The following HIVEP1 variants were observed in gnomAD, a reference collection of about 807,000 sequenced individuals.
The protein encoded by HIVEP1 is HIVEP zinc finger 1.
In HIVEP1, 36 loss-of-function variants were observed where a neutral mutation model predicts 180.0. The observed-to-expected ratio is 0.20, with a 90% CI of 0.15 to 0.26. The LOEUF (loss-of-function observed/expected upper bound fraction) is 0.26. Ranked by LOEUF, HIVEP1 falls within the 10% of genes least tolerant of loss-of-function variation. The probability of loss-of-function intolerance (pLI) is 1.00; values close to 1 mark genes in which losing one functional copy is unlikely to be tolerated. For synonymous variants in HIVEP1, 1,239 were observed against 1,239.0 expected (o/e 1.00, Z 0.00); for missense variants, 3,143 against 3,268.7 (o/e 0.96, Z 0.94).
intron 2 of HIVEP1, among the ~76,000 whole-genome samples, chr6:12,037,370 A>C (rs1769349530): frequency 6.6e-6 from 1 of 152,154 alleles, no homozygotes; most frequent in African/African-American, 2.4e-5. Context: ...TGTCTGTGTC[A>C]GTTTCTTCGT....
At chr6:12,108,768 C>T (rs1242530325) in intron 3 of HIVEP1, among the ~76,000 whole-genome samples, 1 of 152,182 alleles carries the variant, frequency 6.6e-6, no homozygotes, top group Non-Finnish European at 1.5e-5. Context: ...GCTCGCGCCT[C>T]TCCCTCCACA....
chr6:12,121,331 G>A lies in HIVEP1; in HGVS notation c.1536G>A (p.Glu512=), dbSNP rs1205075744. 1.2e-5 allele frequency: 20 copies of A among 1,614,040 alleles called. No individual in the cohort carries two copies. The highest frequency in any genetic ancestry group is 1.5e-5 in the Non-Finnish European group (18 of 1,180,030). The change falls in exon 4 of 9, where the codon GAG becomes GAA. Residue 512 remains glutamate, a synonymous_variant. Transcript: ENST00000379388. This position sits in a 1 kb window ranked among gnomAD's most constrained non-coding sequence, Gnocchi z 5.3. ...GACAGCATGACCTGGGCGCCATGGA[G>A]CTGCAGCCTGTGCACATAATAAAGA... ...DERQHDLGAM[E]LQPVHIIKRM...
At chr6:12,040,097 T>C (rs1769573601) in intron 2 of HIVEP1, among the ~76,000 whole-genome samples, 1 of 152,196 alleles carries the variant, frequency 6.6e-6, no homozygotes, top group South Asian at 2.1e-4. Flanking sequence ...GCTTATTATC[T>C]GTGTATGTGT....
chr6:12,150,283 A>G (rs1356626321), intron 7 of HIVEP1, among the ~76,000 whole-genome samples: 2 of 152,186 alleles, frequency 1.3e-5, no homozygotes, highest in African/African-American at 4.8e-5. Flanking sequence ...AGCCGCCAGC[A>G]ATTTGCTTTT....
chr6:12,171,438 G>A, the HIVEP1 span, among the ~76,000 whole-genome samples: 6 of 151,956 alleles, frequency 3.9e-5, 1 homozygote, highest in Non-Finnish European at 5.9e-5. Flanking sequence ...CTCCATAATC[G>A]GACTCCAGGC....
At position 12,063,229 on chromosome 6, in the gene HIVEP1, C is replaced by G. The variant is rs888032787; in HGVS notation, c.41-25955C>G. Among the ~76,000 whole-genome samples, 3 of 152,134 alleles carry G rather than the reference C, an allele frequency of 2.0e-5. No individual in the cohort carries two copies. The highest frequency in any genetic ancestry group is 4.4e-5 in the Non-Finnish European group (3 of 68,034). On this transcript the variant is annotated intron_variant, in intron 2 of 8. Coordinates refer to ENST00000379388, the MANE Select transcript of HIVEP1 (RefSeq NM_002114.4). This position sits in a 1 kb window ranked among gnomAD's most constrained non-coding sequence, Gnocchi z 4.2. Reference sequence around the variant, plus strand: ...TTCTAGCAGAGTTTTTCAACCTCAGCTCCATTTATGATTTGGCCTAGATAA... The same window carrying G: ...TTCTAGCAGAGTTTTTCAACCTCAGGTCCATTTATGATTTGGCCTAGATAA...
intron 2 of HIVEP1, among the ~76,000 whole-genome samples, chr6:12,043,469 C>T (rs1233838895): frequency 6.7e-6 from 1 of 148,250 alleles, no homozygotes. Context: ...TCAAGTGATT[C>T]TCCTGCCTCA....
chr6:12,170,568 A>G, the HIVEP1 span, among the ~76,000 whole-genome samples: 1 of 152,168 alleles, frequency 6.6e-6, no homozygotes, highest in African/African-American at 2.4e-5. Context: ...GGATGGTGTG[A>G]TGCAACAGCA....
At chr6:12,114,310 T>G (rs940396554) in intron 3 of HIVEP1, among the ~76,000 whole-genome samples, 2 of 152,246 alleles carry the variant, frequency 1.3e-5, no homozygotes, top group African/African-American at 4.8e-5. Flanking sequence ...TTGTTAATTT[T>G]CATCTGTGTA....
rs773520691 is a variant in HIVEP1 at position 12,089,169 on chromosome 6, C to T, written c.41-15C>T. The T allele has an allele frequency of 7.1e-7, 1 of 1,415,968 alleles. No homozygotes were observed. Among genetic ancestry groups the T allele is most frequent in the South Asian group, 1.2e-5 (1 of 83,620 alleles). 87.7% of individuals were successfully genotyped at this position (1,415,968 alleles called of 1,614,324 possible). On this transcript the variant is annotated splice_polypyrimidine_tract_variant and intron_variant, in intron 2 of 8. Coordinates refer to ENST00000379388, the MANE Select transcript of HIVEP1 (RefSeq NM_002114.4). The stretch of plus-strand genomic sequence containing the variant: ...AAGGTAAATTAATTTATAAATTTTT[C>T]TCTGTTTTTCTTAGACAAAATTGAA...
At chr6:12,017,301 C>G (rs555629839) in intron 2 of HIVEP1, among the ~76,000 whole-genome samples, 1 of 152,168 alleles carries the variant, frequency 6.6e-6, no homozygotes, top group Non-Finnish European at 1.5e-5. Flanking sequence ...AGTGTTATAG[C>G]TCTTAAAGGT....
At chr6:12,024,144 A>G (rs1271953567) in intron 2 of HIVEP1, among the ~76,000 whole-genome samples, 3 of 152,202 alleles carry the variant, frequency 2.0e-5, no homozygotes, top group Admixed American at 6.5e-5. Context: ...CTTATAACCA[A>G]AGAGAGACCT....
intron 2 of HIVEP1, among the ~76,000 whole-genome samples, chr6:12,019,693 A>G (rs143250976): frequency 6.6e-6 from 1 of 152,322 alleles, no homozygotes; most frequent in East Asian, 1.9e-4. Flanking sequence ...GATACCTGAT[A>G]CTTTCTCAAA....
intron 2 of HIVEP1, among the ~76,000 whole-genome samples, chr6:12,074,280 C>T (rs1284899041): frequency 6.6e-6 from 1 of 152,122 alleles, no homozygotes; most frequent in African/African-American, 2.4e-5. Context: ...TGTCTACTCT[C>T]TTCCACTCTA....
In HIVEP1 at chr6:12,163,798, T is replaced by C. The variant is rs1199621050; in HGVS notation, c.7494T>C (p.Ile2498=). The part of the protein sequence containing the change: ...LPSLSMETVN[I]VGLANTNMAP... ...CGTTAAGCATGGAAACCGTCAATATTGTAGGCCTAGCCAATACAAATATGG... is the reference window on the plus strand; with the variant it reads ...CGTTAAGCATGGAAACCGTCAATATCGTAGGCCTAGCCAATACAAATATGG... Residue 2498 remains isoleucine, a synonymous_variant, in exon 9 of 9, where the codon ATT becomes ATC. Transcript: ENST00000379388. 6 of 1,614,040 alleles carry C rather than the reference T, an allele frequency of 3.7e-6. No individual in the cohort carries two copies. The highest frequency in any genetic ancestry group is 5.1e-6 in the Non-Finnish European group (6 of 1,180,034).
chr6:12,121,954 C>T lies in HIVEP1; in HGVS notation c.2159C>T (p.Ser720Phe), dbSNP rs751190531. Reference protein sequence around the residue: ...SAALVTTSTPSALPTGEKALL... With the variant: ...SAALVTTSTPFALPTGEKALL... ...GCTCTTGTCACCACGTCAACACCCT[C>T]TGCTTTGCCCACAGGGGAAAAGGCA... Residue 720 changes from serine (S) to phenylalanine (F), a missense_variant, in exon 4 of 9, where the codon TCT becomes TTT. Transcript: ENST00000379388. This position sits in a 1 kb window ranked among gnomAD's most constrained non-coding sequence, Gnocchi z 5.3. 7 of 1,614,188 alleles carry T rather than the reference C, an allele frequency of 4.3e-6. No individual in the cohort carries two copies. Among genetic ancestry groups the T allele is most frequent in the Non-Finnish European group, 5.9e-6 (7 of 1,180,030 alleles).
chr6:12,161,415 A>T (rs1760387762), intron 7 of HIVEP1, 24 bp from the exon 8 acceptor site: 1 of 1,593,992 alleles, frequency 6.3e-7, no homozygotes, highest in East Asian at 2.2e-5. Context: ...ATTCCATCAC[A>T]TACCTCTTGG....
intron 2 of HIVEP1, among the ~76,000 whole-genome samples, chr6:12,019,574 G>A (rs747602612): frequency 2.3e-4 from 35 of 152,168 alleles, no homozygotes; most frequent in African/African-American, 5.6e-4. Context: ...TGTTTCTGCC[G>A]TCAGCTCAGG....
intron 2 of HIVEP1, among the ~76,000 whole-genome samples, chr6:12,067,043 AGCAGATTTG>A (rs1675231701): frequency 6.6e-6 from 1 of 152,180 alleles, no homozygotes; most frequent in African/African-American, 2.4e-5. Context: ...TATTTTCATC[AGCAGATTTG>A]GTGGTACATT....
Sources: gnomAD v4.1 joint callset for allele counts (sites outside exome capture counted in the v4.1 genomes callset) on GRCh38, gnomAD v4.1.1 for gene constraint, Gnocchi (gnomAD v3.1) non-coding constraint, MANE v1.5 for transcripts, NCBI Gene and HGNC (gene_info 2026-07-23, HGNC 2026-07-21) for gene names.